The following PTPRD variants were observed in gnomAD, a reference collection of about 807,000 sequenced individuals.
PTPRD encodes the protein receptor-type tyrosine-protein phosphatase delta.
PTPRD carries 34 observed loss-of-function variants against 214.5 expected under a neutral mutation model. That is an observed-to-expected ratio of 0.16 (90% CI 0.12 to 0.21). The LOEUF (loss-of-function observed/expected upper bound fraction) is 0.21, where lower values mean the gene tolerates loss of function less well. Ranked by LOEUF, PTPRD falls within the 10% of genes least tolerant of loss-of-function variation. The pLI is 1.00. For synonymous variants in PTPRD, 1,128 were observed against 845.7 expected (o/e 1.33, Z -5.79); for missense variants, 2,545 against 2,398.7 (o/e 1.06, Z -1.27).
intron 3 of PTPRD, among the ~76,000 whole-genome samples, chr9:10,122,476 T>A (rs2098783920): frequency 6.6e-6 from 1 of 152,010 alleles, no homozygotes; most frequent in South Asian, 2.1e-4. Flanking sequence ...GATGTTTAAT[T>A]AAGGACAATT....
intron 3 of PTPRD, among the ~76,000 whole-genome samples, chr9:10,244,939 A>T (rs1237229231): frequency 6.6e-6 from 1 of 152,172 alleles, no homozygotes; most frequent in African/African-American, 2.4e-5. Context: ...TATTTTGATT[A>T]TCAGTATACT....
At chr9:10,608,550 A>G (rs1313543368) in intron 2 of PTPRD, among the ~76,000 whole-genome samples, 2 of 152,118 alleles carry the variant, frequency 1.3e-5, no homozygotes, top group African/African-American at 4.8e-5. Flanking sequence ...CCACAGTATA[A>G]TCTGAGAATT....
At chr9:10,345,464 G>A (rs2097057054) in intron 2 of PTPRD, among the ~76,000 whole-genome samples, 1 of 128,466 alleles carries the variant, frequency 7.8e-6, no homozygotes, top group African/African-American at 3.0e-5. Context: ...CTCTCCACCT[G>A]CCCATTTGTT....
At chr9:10,032,757 T>C (rs2097106613) in intron 4 of PTPRD, among the ~76,000 whole-genome samples, 1 of 152,168 alleles carries the variant, frequency 6.6e-6, no homozygotes, top group African/African-American at 2.4e-5. Context: ...TTAGGATTGA[T>C]TGGGATTCCC....
chr9:8,806,330 G>C (rs566080870), intron 11 of PTPRD, among the ~76,000 whole-genome samples: 2 of 151,412 alleles, frequency 1.3e-5, no homozygotes, highest in East Asian at 3.9e-4. Flanking sequence ...CATTTCCAAA[G>C]AGTTATAAAA....
At chr9:10,064,020 GT>G (rs570569417) in intron 3 of PTPRD, among the ~76,000 whole-genome samples, 4 of 148,442 alleles carry the variant, frequency 2.7e-5, no homozygotes, top group Non-Finnish European at 1.5e-5. Flanking sequence ...TATATTTTCT[GT>G]TTTTTTTTCA....
chr9:9,785,884 A>C (rs189901682), intron 5 of PTPRD, among the ~76,000 whole-genome samples: 5 of 152,124 alleles, frequency 3.3e-5, no homozygotes, highest in Admixed American at 2.6e-4. Context: ...ATAATTATTC[A>C]AAAAAAATTC....
At chr9:9,823,123 G>A (rs756690416) in intron 5 of PTPRD, among the ~76,000 whole-genome samples, 3 of 151,926 alleles carry the variant, frequency 2.0e-5, no homozygotes, top group Non-Finnish European at 4.4e-5. Context: ...ACATACATTC[G>A]GCCATTCTTG....
intron 3 of PTPRD, among the ~76,000 whole-genome samples, chr9:10,092,529 CA>C (rs1008488176): frequency 6.6e-6 from 1 of 151,260 alleles, no homozygotes; most frequent in African/African-American, 2.4e-5. Context: ...ACAAAAACTG[CA>C]AATTTTAAAT....
intron 5 of PTPRD, among the ~76,000 whole-genome samples, chr9:9,804,387 A>C (rs1441535834): frequency 7.2e-5 from 11 of 152,158 alleles, no homozygotes; most frequent in South Asian, 6.2e-4. Context: ...ACAGGAAACT[A>C]ATAAAAAAAG....
intron 6 of PTPRD, among the ~76,000 whole-genome samples, chr9:9,757,424 T>C (rs1241591306): frequency 1.3e-5 from 2 of 152,172 alleles, no homozygotes; most frequent in African/African-American, 4.8e-5. Context: ...ACACTAATTT[T>C]ATGAATTTGA....
chr9:9,976,655 G>C (rs781274215), intron 4 of PTPRD, among the ~76,000 whole-genome samples: 1 of 117,406 alleles, frequency 8.5e-6, no homozygotes, highest in East Asian at 2.9e-4. Context: ...CCAAAATGCT[G>C]AGATTACAGG....
At chr9:9,024,348 G>GTTTTTTTTTTTTTTTTTTTTTTTT (rs752607769) in intron 10 of PTPRD, among the ~76,000 whole-genome samples, 2 of 64,182 alleles carry the variant, frequency 3.1e-5, no homozygotes, top group African/African-American at 4.1e-5. Context: ...GTTTTTTTTT[G>GTTTTTTTTTTTTTTTTTTTTTTTT]TTTGTTTTTT....
intron 9 of PTPRD, among the ~76,000 whole-genome samples, chr9:9,336,782 T>C (rs1044132603): frequency 1.3e-5 from 2 of 152,186 alleles, no homozygotes; most frequent in African/African-American, 2.4e-5. Context: ...ATTTATACTT[T>C]AATAATTGTC....
At chr9:8,584,788 G>C (rs2093496897) in intron 14 of PTPRD, among the ~76,000 whole-genome samples, 2 of 152,186 alleles carry the variant, frequency 1.3e-5, no homozygotes, top group African/African-American at 4.8e-5. Flanking sequence ...AAAGGAAAGA[G>C]GTTTAACTGA....
At chr9:9,677,521 C>A (rs1371478797) in intron 7 of PTPRD, among the ~76,000 whole-genome samples, 2 of 152,104 alleles carry the variant, frequency 1.3e-5, no homozygotes, top group Non-Finnish European at 2.9e-5. Context: ...TTCAACAACA[C>A]TTCATGCTAA....
At chr9:8,930,444 T>G (rs980001674) in intron 11 of PTPRD, among the ~76,000 whole-genome samples, 1 of 152,170 alleles carries the variant, frequency 6.6e-6, no homozygotes, top group Non-Finnish European at 1.5e-5. Flanking sequence ...GTCTTTATAG[T>G]AGAATTATTT....
At position 8,317,358 on chromosome 9, in the gene PTPRD, T is replaced by C. The variant is rs1436594677; in HGVS notation, c.*516A>G. On this transcript the variant is annotated 3_prime_UTR_variant, in exon 46 of 46. Transcript: ENST00000381196. Reference sequence around the variant, plus strand: ...ATGAAGCACAGGTCAGCAGTATCTTTACAATACTAAAAAACTAAATCAAGG... The same window carrying C: ...ATGAAGCACAGGTCAGCAGTATCTTCACAATACTAAAAAACTAAATCAAGG... 2 of 232,806 alleles carry C rather than the reference T, an allele frequency of 8.6e-6. No homozygotes were observed. The highest frequency in any genetic ancestry group is 6.1e-5 in the East Asian group (1 of 16,474). The allele number at this position is 232,806 out of a possible 1,614,324, so 14.4% of individuals were successfully genotyped here. A position where few individuals can be genotyped will look rare whatever the true frequency, so the allele number is the denominator to read the frequency against.
At chr9:8,744,363 C>A (rs1479988090) in intron 11 of PTPRD, among the ~76,000 whole-genome samples, 2 of 152,180 alleles carry the variant, frequency 1.3e-5, no homozygotes, top group Non-Finnish European at 2.9e-5. Flanking sequence ...TATACAGCAG[C>A]ACAATTTGCA....
Sources: gnomAD v4.1 joint callset for allele counts (sites outside exome capture counted in the v4.1 genomes callset) on GRCh38, gnomAD v4.1.1 for gene constraint, MANE v1.5 for transcripts, NCBI Gene and HGNC (gene_info 2026-07-23, HGNC 2026-07-21) for gene names.